Variants in DNAH7 observed in about 807,000 individuals in gnomAD.
DNAH7 encodes dynein axonemal heavy chain 7.
Under a neutral mutation model 444.6 loss-of-function variants are expected in DNAH7, and 397 were observed. That is an observed-to-expected ratio of 0.89 (90% CI 0.82 to 0.97). The LOEUF (loss-of-function observed/expected upper bound fraction) is 0.97, where lower values mean the gene tolerates loss of function less well. Among genes scored for constraint, DNAH7 ranks in the 50% least tolerant of loss-of-function variants. DNAH7 has a pLI of 0.00. For missense variants in DNAH7, 4,902 were observed against 4,800.8 expected (o/e 1.02, Z -0.62); for synonymous variants, 1,636 against 1,624.4 (o/e 1.01, Z -0.17).
intron 8 of DNAH7, among the ~76,000 whole-genome samples, chr2:196,022,302 T>TC (rs1047280118): frequency 6.6e-5 from 10 of 152,172 alleles, no homozygotes; most frequent in African/African-American, 2.4e-4. Flanking sequence ...ATCTGCCACA[T>TC]CCTCAATTGA....
intron 19 of DNAH7, among the ~76,000 whole-genome samples, chr2:195,941,388 G>C (rs1451503710): frequency 6.6e-6 from 1 of 150,696 alleles, no homozygotes; most frequent in Admixed American, 6.6e-5. Context: ...GGGGGCAAGA[G>C]GAGGGAGAGC....
chr2:195,974,017 C>T (rs1464455711), intron 15 of DNAH7, among the ~76,000 whole-genome samples: 2 of 151,984 alleles, frequency 1.3e-5, no homozygotes, highest in East Asian at 3.9e-4. Flanking sequence ...GCAGTGGTTG[C>T]ACTGAGCTGA....
At position 196,051,225 on chromosome 2, in the gene DNAH7, ACTTTT is replaced by A; in HGVS notation, c.98_102del (p.Glu33ValfsTer35). The A allele has an allele frequency of 6.2e-7, 1 of 1,613,914 alleles. No individual in the cohort carries two copies. The highest frequency in any genetic ancestry group is 8.5e-7 in the Non-Finnish European group (1 of 1,179,886). On this transcript the variant is annotated frameshift_variant, in exon 3 of 65. Transcript: ENST00000312428. LOFTEE classifies it high-confidence loss of function. ...GGTAAAGCTCTTGCTGGTGCCTTGA[ACTTTT>A]CTTTGCTGGCTAATTTCTCCTGTGT...
At chr2:195,768,036 C>G (rs903504111) in intron 61 of DNAH7, among the ~76,000 whole-genome samples, 1 of 151,456 alleles carries the variant, frequency 6.6e-6, no homozygotes, top group African/African-American at 2.4e-5. Context: ...AATTTGATAA[C>G]TGTATTGTGA....
chr2:195,920,937 G>A (rs1687982385), intron 24 of DNAH7, among the ~76,000 whole-genome samples: 1 of 152,106 alleles, frequency 6.6e-6, no homozygotes, highest in African/African-American at 2.4e-5. Flanking sequence ...AAGAAGATAT[G>A]CAAATGGCCA....
At chr2:195,902,885 A>G (rs1410540096) in intron 27 of DNAH7, 2 of 152,208 alleles carry the variant, frequency 1.3e-5, no homozygotes, top group Admixed American at 1.3e-4. Context: ...ATAATGTTAT[A>G]ATGTGGTTCG....
chr2:195,970,840 T>C (rs1237183712), intron 16 of DNAH7, among the ~76,000 whole-genome samples: 2 of 152,214 alleles, frequency 1.3e-5, no homozygotes, highest in Non-Finnish European at 2.9e-5. Context: ...TTATGTCCTC[T>C]TTTCTCTAGT....
intron 54 of DNAH7, among the ~76,000 whole-genome samples, chr2:195,803,494 G>A (rs754826278): frequency 6.6e-6 from 1 of 152,186 alleles, no homozygotes; most frequent in Non-Finnish European, 1.5e-5. Context: ...TGTAACTCCC[G>A]AGGTAAATGA....
chr2:196,021,970 T>C (rs1203016491), intron 8 of DNAH7, among the ~76,000 whole-genome samples: 2 of 151,882 alleles, frequency 1.3e-5, no homozygotes, highest in Non-Finnish European at 2.9e-5. Flanking sequence ...CTACTAAAAA[T>C]ACAAAAATTA....
At chr2:195,876,861 G>A (rs1395675999) in intron 36 of DNAH7, among the ~76,000 whole-genome samples, 162 bp from the exon 37 acceptor site, 1 of 152,018 alleles carries the variant, frequency 6.6e-6, no homozygotes, top group African/African-American at 2.4e-5. Flanking sequence ...CATGCCAATG[G>A]AGTGTCTCCA....
intron 40 of DNAH7, among the ~76,000 whole-genome samples, chr2:195,865,495 G>C (rs1477968436): frequency 6.6e-6 from 1 of 152,138 alleles, no homozygotes; most frequent in Middle Eastern, 3.2e-3. Flanking sequence ...ACATTTTCTA[G>C]AACAGGAAAT....
At chr2:196,006,312 A>C (rs965968267) in intron 10 of DNAH7, among the ~76,000 whole-genome samples, 1 of 152,160 alleles carries the variant, frequency 6.6e-6, no homozygotes, top group Non-Finnish European at 1.5e-5. Flanking sequence ...TCTCCAAAAA[A>C]AGACAGGATT....
intron 63 of DNAH7, among the ~76,000 whole-genome samples, chr2:195,749,718 A>T (rs1386231259): frequency 6.6e-6 from 1 of 151,830 alleles, no homozygotes; most frequent in Non-Finnish European, 1.5e-5. Context: ...CATTCTCAGT[A>T]AACTATCGCA....
In DNAH7 at chr2:195,923,707, G is replaced by A; in HGVS notation, c.3713C>T (p.Ala1238Val). 6.2e-7 allele frequency: 1 copy of A among 1,614,042 alleles called. No individual in the cohort carries two copies. The highest frequency in any genetic ancestry group is 8.5e-7 in the Non-Finnish European group (1 of 1,180,000). ...AGCATGGACATCCAGTACCACAAGT[G>A]CTCCCAGAGTTACGCGATTCTGCAT... ...LSMQNRVTLG[A>V]LVVLDVHARD... is the part of the protein sequence containing the mutation. Residue 1238 changes from alanine (A) to valine (V), a missense_variant, in exon 23 of 65, where the codon GCA becomes GTA. Physicochemically the swap from Ala to Val is moderately conservative, Grantham distance 64. Coordinates refer to ENST00000312428, the MANE Select transcript of DNAH7 (RefSeq NM_018897.3).
At chr2:195,738,223 C>T (rs1023679710) in intron 64 of DNAH7, 96 bp from the exon 65 acceptor site, 17 of 1,102,776 alleles carry the variant, frequency 1.5e-5, no homozygotes, top group Admixed American at 4.4e-5. Flanking sequence ...TAAGGTTATG[C>T]ATGCAGATTT....
intron 20 of DNAH7, 129 bp from the exon 21 acceptor site, chr2:195,934,918 C>T (rs185742321): frequency 4.1e-6 from 4 of 978,120 alleles, no homozygotes; most frequent in African/African-American, 3.3e-5. Flanking sequence ...AAACCGGAAA[C>T]CCCCAAAACA....
rs201605169 is a variant in DNAH7, at chr2:196,001,701, A to T, written c.1147T>A (p.Phe383Ile). 3.2e-5 allele frequency: 51 copies of T among 1,585,184 alleles called. No homozygotes were observed. In the African/African-American group the frequency reaches 6.6e-4, roughly 21 times the overall value. ...GGGGGTTGTGCAATTAAGTCCGTGA[A>T]ATCTTGCATGGAGACTAAAGTGAGG... ...QDLTLVSMQD[F>I]TDLIAQPPDS... The change falls in exon 11 of 65, where the codon TTC (phenylalanine) becomes ATC (isoleucine). Residue 383 changes from phenylalanine to isoleucine, a missense_variant. By Grantham distance (21) the Phe-to-Ile change is conservative (BLOSUM62 0). Coordinates refer to ENST00000312428, the MANE Select transcript of DNAH7 (RefSeq NM_018897.3).
rs1692723140 is a variant in DNAH7 at position 195,737,807 on chromosome 2, T to TAAC, written c.*111_*113dup. ...TTGCTCATAAGTAAATTCATAATTA[T>TAAC]AACTTTAGTCAAATGTATTTAAACA... is the stretch of plus-strand genomic sequence containing the variant. On this transcript the variant is annotated 3_prime_UTR_variant, in exon 65 of 65. Transcript: ENST00000312428. 2 of 884,182 alleles carry TAAC rather than the reference T, an allele frequency of 2.3e-6. No individual in the cohort carries two copies. Among genetic ancestry groups the TAAC allele is most frequent in the Non-Finnish European group, 3.4e-6 (2 of 588,154 alleles). The allele number at this position is 884,182 out of a possible 1,614,324, so 54.8% of individuals were successfully genotyped here. A position where few individuals can be genotyped will look rare whatever the true frequency, so the allele number is the denominator to read the frequency against.
At chr2:196,038,287 A>G (rs1164233361) in intron 5 of DNAH7, among the ~76,000 whole-genome samples, 1 of 152,184 alleles carries the variant, frequency 6.6e-6, no homozygotes, top group Admixed American at 6.5e-5. Context: ...AAGCAAAAGG[A>G]TGATATCCAC....
Sources: gnomAD v4.1 joint callset for allele counts (sites outside exome capture counted in the v4.1 genomes callset) on GRCh38, gnomAD v4.1.1 for gene constraint, MANE v1.5 for transcripts, NCBI Gene and HGNC (gene_info 2026-07-23, HGNC 2026-07-21) for gene names.